Variants in MAN1A2 observed in about 807,000 individuals in gnomAD.
MAN1A2 encodes the protein mannosyl-oligosaccharide 1,2-alpha-mannosidase IB.
MAN1A2 carries 26 observed loss-of-function variants against 75.7 expected under a neutral mutation model. That is an observed-to-expected ratio of 0.34 (90% CI 0.25 to 0.48). The LOEUF (loss-of-function observed/expected upper bound fraction) is 0.48. MAN1A2 is among the 20% of genes least tolerant of loss of function. The pLI, the probability that MAN1A2 is intolerant of heterozygous loss-of-function variation, is 0.99. For synonymous variants in MAN1A2, 247 were observed against 264.6 expected (o/e 0.93, Z 0.65); for missense variants, 562 against 775.5 (o/e 0.72, Z 3.27).
Position 117,458,528 on chromosome 1 carries a change from T to A in MAN1A2, c.951-1961T>A, listed in dbSNP as rs1416817640. Among the ~76,000 whole-genome samples the A allele has an allele frequency of 3.7e-3, 487 of 131,928 alleles. 6 individuals are homozygous for A. Among genetic ancestry groups the A allele is most frequent in the African/African-American group, 0.012 (450 of 36,990 alleles). The allele number at this position is 131,928 out of a possible 152,430, so 86.5% of individuals were successfully genotyped here. On this transcript the variant is annotated intron_variant, in intron 6 of 12. Transcript: ENST00000356554. Reference sequence around the variant, plus strand: ...ATATATATAGATATATATATATTTTTTTTTTTTTTTTTGAGACAGAGTTTC... The same window carrying A: ...ATATATATAGATATATATATATTTTATTTTTTTTTTTTGAGACAGAGTTTC...
intron 1 of MAN1A2, among the ~76,000 whole-genome samples, chr1:117,393,926 G>A (rs1376766563): frequency 6.6e-6 from 1 of 152,166 alleles, no homozygotes; most frequent in East Asian, 1.9e-4. Context: ...GGAGTCTAGT[G>A]ATGGGACCCA....
rs1308216571 is a variant in MAN1A2 at position 117,524,444 on chromosome 1, A to G, written c.*1487A>G. The G allele has an allele frequency of 1.3e-5, 2 of 151,794 alleles. No individual in the cohort carries two copies. Among genetic ancestry groups the G allele is most frequent in the African/African-American group, 4.8e-5 (2 of 41,398 alleles). The allele number at this position is 151,794 out of a possible 1,614,324, so 9.4% of individuals were successfully genotyped here. A position where few individuals can be genotyped will look rare whatever the true frequency, so the allele number is the denominator to read the frequency against. ...TAGGCATCTTCCATTGACATTAATA[A>G]AACTTAGAAACAGTATAATTAGTAT... On this transcript the variant is annotated 3_prime_UTR_variant, in exon 13 of 13. Transcript: ENST00000356554.
intron 12 of MAN1A2, among the ~76,000 whole-genome samples, chr1:117,510,144 A>G (rs921493631): frequency 1.2e-4 from 18 of 151,910 alleles, no homozygotes; most frequent in Non-Finnish European, 2.4e-4. Context: ...TTGCTCTTAT[A>G]AACAGTGCTT....
At chr1:117,396,365 A>C (rs1653904678) in intron 1 of MAN1A2, among the ~76,000 whole-genome samples, 1 of 152,210 alleles carries the variant, frequency 6.6e-6, no homozygotes, top group African/African-American at 2.4e-5. Flanking sequence ...GACAAGGCCA[A>C]ATTCTTTACT....
Position 117,523,927 on chromosome 1 carries a change from C to A in MAN1A2, c.*970C>A, listed in dbSNP as rs1004899265. 1 of 152,014 alleles carries A rather than the reference C, an allele frequency of 6.6e-6. No individual in the cohort carries two copies. The highest frequency in any genetic ancestry group is 2.4e-5 in the African/African-American group (1 of 41,362). The allele number at this position is 152,014 out of a possible 1,614,324, so 9.4% of individuals were successfully genotyped here. A position where few individuals can be genotyped will look rare whatever the true frequency, so the allele number is the denominator to read the frequency against. ...TTACAACTTTATTTATGTGGCTTGG[C>A]AAAAATCACTATAAGGCAGCTCTAA... On this transcript the variant is annotated 3_prime_UTR_variant, in exon 13 of 13. Coordinates refer to ENST00000356554, the MANE Select transcript of MAN1A2 (RefSeq NM_006699.5).
At chr1:117,505,176 C>A (rs1056262386) in intron 12 of MAN1A2, among the ~76,000 whole-genome samples, 6 of 151,430 alleles carry the variant, frequency 4.0e-5, no homozygotes, top group African/African-American at 1.2e-4. Context: ...TTGCTTCTGG[C>A]AGGAATGCCT....
chr1:117,517,356 T>A (rs1651743011), intron 12 of MAN1A2, among the ~76,000 whole-genome samples: 2 of 152,172 alleles, frequency 1.3e-5, no homozygotes, highest in Non-Finnish European at 2.9e-5. Flanking sequence ...TTAGAACTGA[T>A]AAAGATGTTA....
At chr1:117,379,130 T>C (rs1450819692) in intron 1 of MAN1A2, among the ~76,000 whole-genome samples, 1 of 152,116 alleles carries the variant, frequency 6.6e-6, no homozygotes, top group Non-Finnish European at 1.5e-5. Context: ...TTTTCACACC[T>C]AGGGATTTAA....
At chr1:117,520,955 T>G (rs1651852680) in intron 12 of MAN1A2, among the ~76,000 whole-genome samples, 1 of 151,852 alleles carries the variant, frequency 6.6e-6, no homozygotes, top group African/African-American at 2.4e-5. Context: ...GCATGATACT[T>G]GTATAAAAAT....
At chr1:117,502,423 C>T (rs908943642) in intron 11 of MAN1A2, among the ~76,000 whole-genome samples, 1 of 151,524 alleles carries the variant, frequency 6.6e-6, no homozygotes, top group African/African-American at 2.4e-5. Flanking sequence ...ATAGAGTGCT[C>T]CTAAGTAATA....
intron 3 of MAN1A2, among the ~76,000 whole-genome samples, chr1:117,409,028 C>T (rs913181034): frequency 2.0e-5 from 3 of 152,028 alleles, no homozygotes; most frequent in Non-Finnish European, 4.4e-5. Context: ...TTTGTCTCCT[C>T]TCTTGTCCTG....
chr1:117,448,511 A>G (rs1649309299), intron 6 of MAN1A2, among the ~76,000 whole-genome samples: 1 of 152,170 alleles, frequency 6.6e-6, no homozygotes, highest in African/African-American at 2.4e-5. Flanking sequence ...AAGAATGAGA[A>G]AAGAGATTTT....
rs73016066 is a variant in MAN1A2 at position 117,384,243 on chromosome 1, G to A, written c.302+15758G>A. ...ATTGATTTTAGATCTTTTAAATGTA[G>A]GTATTTACTACTATTAATTTTCCTC... On this transcript the variant is annotated intron_variant, in intron 1 of 12. Coordinates refer to ENST00000356554, the MANE Select transcript of MAN1A2 (RefSeq NM_006699.5). 1.6e-3 allele frequency among the ~76,000 whole-genome samples: 238 copies of A among 151,998 alleles called. 1 individual carries two copies. The highest frequency in any genetic ancestry group is 5.6e-3 in the African/African-American group (231 of 41,436).
chr1:117,452,357 G>A (rs374425583), intron 6 of MAN1A2, among the ~76,000 whole-genome samples: 1 of 151,860 alleles, frequency 6.6e-6, no homozygotes, highest in South Asian at 2.1e-4. Flanking sequence ...GAAGGCATGT[G>A]AAGTAATTAA....
At chr1:117,373,646 AC>A (rs1167984233) in intron 1 of MAN1A2, among the ~76,000 whole-genome samples, 1 of 152,114 alleles carries the variant, frequency 6.6e-6, no homozygotes, top group African/African-American at 2.4e-5. Flanking sequence ...ACAGGTGTGA[AC>A]AACCATGCTA....
At chr1:117,503,142 T>G (rs905615942) in intron 12 of MAN1A2, among the ~76,000 whole-genome samples, 172 bp downstream of exon 12, 1 of 151,600 alleles carries the variant, frequency 6.6e-6, no homozygotes. Context: ...TGACTTAGAC[T>G]ATAAGGTAGG....
chr1:117,403,420 T>G (rs1647507516), intron 2 of MAN1A2, among the ~76,000 whole-genome samples: 2 of 152,110 alleles, frequency 1.3e-5, no homozygotes, highest in African/African-American at 4.8e-5. Context: ...GGAGAGACAG[T>G]GATAGATTTT....
chr1:117,492,839 A>G (rs1428422274), intron 8 of MAN1A2, among the ~76,000 whole-genome samples: 1 of 152,082 alleles, frequency 6.6e-6, no homozygotes, highest in African/African-American at 2.4e-5. Context: ...AAAGGTAATT[A>G]TCAATTCTGG....
chr1:117,513,198 G>A (rs1200515460), intron 12 of MAN1A2, among the ~76,000 whole-genome samples: 1 of 152,054 alleles, frequency 6.6e-6, no homozygotes, highest in African/African-American at 2.4e-5. Flanking sequence ...TGCAGTATTA[G>A]GGAGGAGGTA....
Sources: allele counts gnomAD v4.1 joint callset (sites outside exome capture counted in the v4.1 genomes callset), GRCh38; gene constraint gnomAD v4.1.1; transcripts MANE v1.5; gene names NCBI Gene and HGNC (gene_info 2026-07-23, HGNC 2026-07-21).